The following EYS variants were observed in gnomAD, a reference collection of about 807,000 sequenced individuals.
EYS encodes EGF-like photoreceptor maintenance factor.
Under a neutral mutation model 282.1 loss-of-function variants are expected in EYS, and 250 were observed. The observed-to-expected ratio is 0.89, with a 90% CI of 0.80 to 0.98. The LOEUF is 0.98. EYS is among the 50% of genes least tolerant of loss of function. EYS has a pLI of 0.00. For missense variants in EYS, 4,016 were observed against 3,709.0 expected, an observed-to-expected ratio of 1.08 and a Z score of -2.15; for synonymous variants, 1,355 against 1,282.9, an observed-to-expected ratio of 1.06 and a Z score of -1.20.
chr6:64,882,284 G>A (rs980202773), intron 19 of EYS, among the ~76,000 whole-genome samples: 2 of 151,720 alleles, frequency 1.3e-5, no homozygotes, highest in Admixed American at 6.6e-5. Context: ...TCTTGAAAAA[G>A]TCACACATCG....
At chr6:63,772,902 T>G (rs1308427446) in intron 40 of EYS, among the ~76,000 whole-genome samples, 4 of 152,134 alleles carry the variant, frequency 2.6e-5, no homozygotes, top group Non-Finnish European at 5.9e-5. Flanking sequence ...TATGAGCATA[T>G]TTGTATGTGT....
intron 5 of EYS, among the ~76,000 whole-genome samples, chr6:65,458,843 G>A (rs962711237): frequency 1.6e-4 from 25 of 152,114 alleles, no homozygotes; most frequent in Admixed American, 1.1e-3. Flanking sequence ...CAGACACTGA[G>A]GAGAAATTGC....
At chr6:64,993,485 T>A (rs1284205062) in intron 14 of EYS, among the ~76,000 whole-genome samples, 2 of 144,366 alleles carry the variant, frequency 1.4e-5, no homozygotes, top group African/African-American at 2.6e-5. Context: ...GGACAAAAAA[T>A]CAAACCTGCA....
intron 25 of EYS, among the ~76,000 whole-genome samples, chr6:64,592,841 G>A (rs1386989452): frequency 6.6e-6 from 1 of 152,052 alleles, no homozygotes; most frequent in Non-Finnish European, 1.5e-5. Flanking sequence ...AAAACAAAAT[G>A]TGCTGGGATT....
At chr6:65,036,884 G>C (rs561416426) in intron 13 of EYS, among the ~76,000 whole-genome samples, 1 of 151,838 alleles carries the variant, frequency 6.6e-6, no homozygotes. Flanking sequence ...GTCCTGCCGT[G>C]GTTAAAAGCA....
intron 10 of EYS, among the ~76,000 whole-genome samples, chr6:65,337,665 T>C (rs1770040130): frequency 1.3e-5 from 2 of 151,072 alleles, no homozygotes; most frequent in South Asian, 4.2e-4. Context: ...TTGACTTGGC[T>C]ATAAAGCTAT....
At chr6:65,667,325 G>A (rs991607918) in intron 1 of EYS, among the ~76,000 whole-genome samples, 10 of 151,778 alleles carry the variant, frequency 6.6e-5, no homozygotes, top group African/African-American at 2.4e-4. Flanking sequence ...CATGTAATCT[G>A]TTCCTTGCCT....
chr6:65,603,654 T>C (rs184072399), intron 2 of EYS, among the ~76,000 whole-genome samples: 32 of 152,090 alleles, frequency 2.1e-4, no homozygotes, highest in Admixed American at 1.5e-3. Flanking sequence ...CATTTTAAAC[T>C]TGAGCTTTAT....
intron 22 of EYS, among the ~76,000 whole-genome samples, chr6:64,710,436 G>GC (rs1457444523): frequency 1.3e-4 from 20 of 152,282 alleles, no homozygotes; most frequent in African/African-American, 4.6e-4. Flanking sequence ...ATTAGCCACG[G>GC]ACCAAATCCT....
At chr6:64,691,071 T>TA (rs1770364765) in intron 22 of EYS, among the ~76,000 whole-genome samples, 1 of 151,996 alleles carries the variant, frequency 6.6e-6, no homozygotes, top group South Asian at 2.1e-4. Flanking sequence ...TCAATAAATT[T>TA]AAAAAATCAT....
In EYS at chr6:65,374,321, G is replaced by A. The variant is rs867131139; in HGVS notation, c.1299+10065C>T. Among the ~76,000 whole-genome samples, 8 of 152,086 alleles carry A rather than the reference G, an allele frequency of 5.3e-5. No individual in the cohort carries two copies. In the South Asian group the frequency reaches 8.3e-4, roughly 16 times the overall value. ...TCAGGGACCTCCCTACCCTAGCTAA[G>A]GGAAGCCATGAGGGTTTGTGCCATG... On this transcript the variant is annotated intron_variant, in intron 8 of 42. Coordinates refer to ENST00000503581, the MANE Select transcript of EYS (RefSeq NM_001142800.2).
intron 12 of EYS, among the ~76,000 whole-genome samples, chr6:65,235,298 G>T (rs536542676): frequency 5.3e-5 from 8 of 152,168 alleles, no homozygotes; most frequent in African/African-American, 1.4e-4. Flanking sequence ...TAATAGTACT[G>T]TGACTGAGCC....
intron 12 of EYS, among the ~76,000 whole-genome samples, chr6:65,281,169 A>C (rs1210018357): frequency 6.6e-6 from 1 of 151,622 alleles, no homozygotes; most frequent in East Asian, 1.9e-4. Flanking sequence ...AATATTATCT[A>C]TACCACCTCT....
chr6:65,691,663 T>C (rs1190923381), intron 1 of EYS, among the ~76,000 whole-genome samples: 1 of 150,426 alleles, frequency 6.6e-6, no homozygotes, highest in Non-Finnish European at 1.5e-5. Flanking sequence ...TGCCCATGCC[T>C]ATGTCCTGAA....
chr6:65,555,788 A>G (rs563599603), intron 2 of EYS, among the ~76,000 whole-genome samples: 1 of 152,330 alleles, frequency 6.6e-6, no homozygotes, highest in African/African-American at 2.4e-5. Flanking sequence ...GACATGTAAA[A>G]TTTGAGTAGT....
At chr6:64,199,191 A>T (rs1216149579) in intron 31 of EYS, among the ~76,000 whole-genome samples, 1 of 152,208 alleles carries the variant, frequency 6.6e-6, no homozygotes, top group African/African-American at 2.4e-5. Context: ...CTATACTACA[A>T]GGCTACAATA....
chr6:65,027,294 A>G (rs1772452133), intron 13 of EYS, among the ~76,000 whole-genome samples: 1 of 152,118 alleles, frequency 6.6e-6, no homozygotes, highest in African/African-American at 2.4e-5. Flanking sequence ...CTAATGTCAT[A>G]CTTTTCTAAT....
chr6:65,427,677 G>A (rs1409632694), intron 5 of EYS, among the ~76,000 whole-genome samples: 2 of 151,898 alleles, frequency 1.3e-5, no homozygotes, highest in African/African-American at 4.8e-5. Flanking sequence ...GCACCATTAT[G>A]GTGTAGAAGT....
chr6:65,469,568 T>A (rs778913700), intron 5 of EYS, among the ~76,000 whole-genome samples: 52 of 152,120 alleles, frequency 3.4e-4, no homozygotes, highest in Non-Finnish European at 4.9e-4. Flanking sequence ...ATGAGTCACA[T>A]GAACTTCACC....
Sources: gnomAD v4.1 joint callset for allele counts (sites outside exome capture counted in the v4.1 genomes callset) on GRCh38, gnomAD v4.1.1 for gene constraint, MANE v1.5 for transcripts, NCBI Gene and HGNC (gene_info 2026-07-23, HGNC 2026-07-21) for gene names.